The following PDZD7 variants were observed in gnomAD, a reference collection of about 807,000 sequenced individuals.
PDZD7 encodes the protein PDZ domain-containing protein 7.
A neutral mutation model predicts 84.7 loss-of-function variants in PDZD7; 72 were observed. That is an observed-to-expected ratio of 0.85 (90% confidence interval 0.70 to 1.03). PDZD7 has a LOEUF of 1.03. Among genes scored for constraint, PDZD7 ranks in the 50% least tolerant of loss-of-function variants. The probability of loss-of-function intolerance (pLI) is 0.00; values close to 1 mark genes in which losing one functional copy is unlikely to be tolerated. For missense variants in PDZD7, 1,490 were observed against 1,412.9 expected, an observed-to-expected ratio of 1.05 and a Z score of -0.87; for synonymous variants, 594 against 580.7, an observed-to-expected ratio of 1.02 and a Z score of -0.33.
At position 101,008,325 on chromosome 10, in the gene PDZD7, T is replaced by C. The variant is rs1323703321; in HGVS notation, c.*142A>G. On this transcript the variant is annotated 3_prime_UTR_variant, in exon 17 of 17. Coordinates refer to ENST00000619208, the MANE Select transcript of PDZD7 (RefSeq NM_001195263.2). ...AATGACAGCTGAGGAGGGAAGAAAG[T>C]GGAAAGATGTGAGCCACCAGTGTGG... 1 of 857,612 alleles carries C rather than the reference T, an allele frequency of 1.2e-6. No individual in the cohort carries two copies. Among genetic ancestry groups the C allele is most frequent in the Non-Finnish European group, 1.7e-6 (1 of 574,732 alleles). 53.1% of individuals were successfully genotyped at this position (857,612 alleles called of 1,614,324 possible). A position where few individuals can be genotyped will look rare whatever the true frequency, so the allele number is the denominator to read the frequency against.
At chr10:101,023,792 G>A in intron 3 of PDZD7, 136 bp downstream of exon 3, 2 of 1,489,466 alleles carry the variant, frequency 1.3e-6, no homozygotes, top group Non-Finnish European at 1.9e-6. Flanking sequence ...CTTGAGGGTT[G>A]GCCCTGTCTC....
chr10:101,017,553 G>A (rs750402988), intron 9 of PDZD7: 34 of 700,830 alleles, frequency 4.9e-5, no homozygotes, highest in Admixed American at 2.6e-4. Context: ...AGACTAAGGC[G>A]GGTAGATAGC....
intron 2 of PDZD7, among the ~76,000 whole-genome samples, chr10:101,027,949 T>C (rs72838695): frequency 0.019 from 2,893 of 152,320 alleles, 48 homozygotes; most frequent in Non-Finnish European, 0.03. Context: ...ATGCATTTTC[T>C]CTGGGACCAG....
chr10:101,021,671 A>G, intron 6 of PDZD7, 127 bp downstream of exon 6: 1 of 1,422,070 alleles, frequency 7.0e-7, no homozygotes, highest in Admixed American at 1.7e-5. Flanking sequence ...AGGGATGAGA[A>G]CAATGCCTGT....
chr10:101,031,090 G>T lies in PDZD7; in HGVS notation c.-183C>A, dbSNP rs1252975176. 1.3e-5 allele frequency: 2 copies of T among 152,260 alleles called. No individual in the cohort carries two copies. The highest frequency in any genetic ancestry group is 2.9e-5 in the Non-Finnish European group (2 of 68,086). The allele number at this position is 152,260 out of a possible 1,614,324, so 9.4% of individuals were successfully genotyped here. ...GGCCTCACCTGGTCGCTGGTGTGGC[G>T]CCGCCAGCCTTGTCAAACCACCCGC... On this transcript the variant is annotated 5_prime_UTR_variant, in exon 1 of 17. Coordinates refer to ENST00000619208, the MANE Select transcript of PDZD7 (RefSeq NM_001195263.2).
chr10:101,009,315 G>A lies in PDZD7; in HGVS notation c.2653C>T (p.Gln885Ter). The A allele has an allele frequency of 6.5e-7, 1 of 1,536,052 alleles. No homozygotes were observed. The highest frequency in any genetic ancestry group is 8.7e-7 in the Non-Finnish European group (1 of 1,146,862). Reference protein sequence around the residue: ...SISGGIESKVQPMVKIEKIFP... With the variant: ...SISGGIESKV ...ATCTTCTCTATCTTCACCATGGGCTGCACCTTGGACTCAATGCCCCCAGAA... is the reference window on the plus strand; with the variant it reads ...ATCTTCTCTATCTTCACCATGGGCTACACCTTGGACTCAATGCCCCCAGAA... The change falls in exon 16 of 17, where the codon CAG becomes TAG. Residue 885 changes from glutamine to a stop codon, truncating the protein, a stop_gained. Transcript: ENST00000619208. LOFTEE classifies it high-confidence loss of function.
intron 9 of PDZD7, chr10:101,017,838 GGAAAGAAAGAAAGAAA>G (rs1202852543): frequency 2.5e-4 from 42 of 169,366 alleles, no homozygotes; most frequent in South Asian, 6.1e-4. Flanking sequence ...AAGGAAGGAA[GGAAAGAAAGAAAGAAA>G]GAAAGAAAGA....
At chr10:101,011,411 G>C (rs1379028478) in intron 14 of PDZD7, 8 of 774,898 alleles carry the variant, frequency 1.0e-5, no homozygotes, top group African/African-American at 8.8e-5. Context: ...GAAAAAATAC[G>C]ACTAGCACAC....
rs71013482 is a variant in PDZD7, at chr10:101,017,862, A to AG, written c.1522+236dup. 4.1e-4 allele frequency: 176 copies of AG among 428,548 alleles called. 2 individuals are homozygous for AG. Among genetic ancestry groups the AG allele is most frequent in the African/African-American group, 4.0e-3 (102 of 25,332 alleles). 26.5% of individuals were successfully genotyped at this position (428,548 alleles called of 1,614,324 possible). A position where few individuals can be genotyped will look rare whatever the true frequency, so the allele number is the denominator to read the frequency against. On this transcript the variant is annotated intron_variant, in intron 9 of 16. Coordinates refer to ENST00000619208, the MANE Select transcript of PDZD7 (RefSeq NM_001195263.2). ...AGGAAAGAAAGAAAGAAAGAAAGAA[A>AG]GAAAGAAAGAAAGAAAGAAAGAAAG...
rs1564821720 is a variant in PDZD7 at position 101,009,290 on chromosome 10, A to G, written c.2678T>C (p.Ile893Thr). 6.5e-7 allele frequency: 1 copy of G among 1,536,026 alleles called. No individual in the cohort carries two copies. The highest frequency in any genetic ancestry group is 8.7e-7 in the Non-Finnish European group (1 of 1,146,834). ...GAGGAAAGCGGCCCCCCCAGGGAAG[A>G]TCTTCTCTATCTTCACCATGGGCTG... ...KVQPMVKIEKIFPGGAAFLSG... is the reference protein window; with the variant it reads ...KVQPMVKIEKTFPGGAAFLSG... Residue 893 changes from isoleucine (I) to threonine (T), a missense_variant, in exon 16 of 17, where the codon ATC (isoleucine) becomes ACC (threonine). Transcript: ENST00000619208.
chr10:101,007,791 C>A lies in PDZD7; in HGVS notation c.*676G>T. On this transcript the variant is annotated 3_prime_UTR_variant, in exon 17 of 17. Transcript: ENST00000619208. Reference sequence around the variant, plus strand: ...TTTTTCACACTGTAAATTTCTTGTACAAACCCAAAGAAAAAATTAAAAAAA... The same window carrying A: ...TTTTTCACACTGTAAATTTCTTGTAAAAACCCAAAGAAAAAATTAAAAAAA... 1 of 418,322 alleles carries A rather than the reference C, an allele frequency of 2.4e-6. No homozygotes were observed. Among genetic ancestry groups the A allele is most frequent in the Non-Finnish European group, 3.2e-6 (1 of 312,994 alleles). The allele number at this position is 418,322 out of a possible 1,614,324, so 25.9% of individuals were successfully genotyped here.
chr10:101,012,349 G>A (rs144963983), intron 11 of PDZD7, 91 bp from the exon 12 acceptor site: 10 of 1,095,382 alleles, frequency 9.1e-6, no homozygotes, highest in Admixed American at 2.0e-5. Flanking sequence ...TTTCTTCTAC[G>A]CATGTAGGGA....
intron 2 of PDZD7, among the ~76,000 whole-genome samples, chr10:101,026,154 A>T (rs1184331219): frequency 4.7e-5 from 7 of 149,796 alleles, no homozygotes; most frequent in African/African-American, 1.7e-4. Flanking sequence ...TTTTTTTTTG[A>T]GACGGAATCT....
At chr10:101,023,687 G>C in intron 3 of PDZD7, 77 bp from the exon 4 acceptor site, 1 of 1,552,310 alleles carries the variant, frequency 6.4e-7, no homozygotes, top group Non-Finnish European at 8.8e-7. Context: ...GGAGCTCCCT[G>C]GGGTCAAACT....
chr10:101,017,522 C>T (rs1420365359), intron 9 of PDZD7: 1 of 690,652 alleles, frequency 1.4e-6, no homozygotes, highest in Non-Finnish European at 2.6e-6. Context: ...GTAGATCACG[C>T]TGTAATCCTA....
chr10:101,018,422 G>GGGGTGA, intron 8 of PDZD7, 126 bp from the exon 9 acceptor site: 1 of 1,020,076 alleles, frequency 9.8e-7, no homozygotes, highest in South Asian at 1.5e-5. Context: ...CAGCTACGCC[G>GGGGTGA]GGGTGAGAGT....
At chr10:101,014,381 C>G (rs944367624) in intron 11 of PDZD7, among the ~76,000 whole-genome samples, 1 of 151,966 alleles carries the variant, frequency 6.6e-6, no homozygotes, top group Non-Finnish European at 1.5e-5. Flanking sequence ...TATGGGGGCA[C>G]AAGTGGGAGG....
At position 101,022,384 on chromosome 10, in the gene PDZD7, C is replaced by T; in HGVS notation, c.544G>A (p.Val182Met). The change falls in exon 5 of 17, where the codon GTG (valine) becomes ATG (methionine). Residue 182 changes from valine to methionine, a missense_variant and splice_region_variant. Transcript: ENST00000619208. ...ACCAGGCGCCGATTCACCACATCCA[C>T]CCTGGACAACAGCAGGGGGCCCTCA... ...IKFSKEKTTW[V>M]DVVNRRLVVE... 2.5e-6 allele frequency: 4 copies of T among 1,614,118 alleles called. No homozygotes were observed. Among genetic ancestry groups the T allele is most frequent in the Non-Finnish European group, 2.5e-6 (3 of 1,180,026 alleles).
At chr10:101,010,906 G>A in intron 14 of PDZD7, 23 bp from the exon 15 acceptor site, 2 of 1,520,978 alleles carry the variant, frequency 1.3e-6, no homozygotes, top group Non-Finnish European at 1.7e-6. Context: ...GCCAAGGTCA[G>A]CTGCCCACTC....
Sources: gnomAD v4.1 joint callset for allele counts (sites outside exome capture counted in the v4.1 genomes callset) on GRCh38, gnomAD v4.1.1 for gene constraint, MANE v1.5 for transcripts, NCBI Gene and HGNC (gene_info 2026-07-23, HGNC 2026-07-21) for gene names.